SGTB: variants seen among roughly 807,000 people sequenced by gnomAD.
The protein encoded by SGTB is small glutamine-rich tetratricopeptide repeat-containing protein beta.
In SGTB, 19 loss-of-function variants were observed where a neutral mutation model predicts 43.9. The observed-to-expected ratio is 0.43, with a 90% CI of 0.30 to 0.63. The LOEUF is 0.63. Ranked by LOEUF, SGTB falls within the 30% of genes least tolerant of loss-of-function variation. The pLI, the probability that SGTB is intolerant of heterozygous loss-of-function variation, is 0.12. For missense variants in SGTB, 304 were observed against 358.9 expected (o/e 0.85, Z 1.24); for synonymous variants, 116 against 117.3 (o/e 0.99, Z 0.07).
chr5:65,674,495 G>A (rs970870621), intron 8 of SGTB, among the ~76,000 whole-genome samples: 2 of 152,178 alleles, frequency 1.3e-5, no homozygotes, highest in African/African-American at 4.8e-5. Flanking sequence ...TGAACTATCA[G>A]GTAGAAAGTC....
At chr5:65,722,146 GGCTGGGGCGGGGCCAGACACGCGA>G (rs1158242071), upstream of SGTB, 17 of 212,470 alleles carry the variant, frequency 8.0e-5, no homozygotes, top group East Asian at 1.4e-3. Flanking sequence ...CGGACGCGAG[GGCTGGGGCGGGGCCAGACACGCGA>G]GCTGGGGCGG....
intron 3 of SGTB, among the ~76,000 whole-genome samples, chr5:65,709,585 G>A (rs1397167457): frequency 2.0e-5 from 3 of 152,012 alleles, no homozygotes; most frequent in Admixed American, 6.6e-5. Flanking sequence ...TACCATGTTG[G>A]CCACAATGGT....
In SGTB at chr5:65,720,725, T is replaced by G; in HGVS notation, c.83A>C (p.Glu28Ala). ...ATGCATACCTTCCAAACTTTCTTGT[T>G]CATCCGAGGTGTAAGTGTCCATCTG... ...QSQMDTYTSD[E>A]QESLEVAIQC... Residue 28 changes from glutamate to alanine, a missense_variant, in exon 2 of 11, where the codon GAA becomes GCA. Transcript: ENST00000381007. 2 of 1,613,632 alleles carry G rather than the reference T, an allele frequency of 1.2e-6. No individual in the cohort carries two copies. Among genetic ancestry groups the G allele is most frequent in the Non-Finnish European group, 1.7e-6 (2 of 1,179,880 alleles).
intron 5 of SGTB, among the ~76,000 whole-genome samples, chr5:65,692,682 A>G (rs1757635430): frequency 6.6e-6 from 1 of 152,206 alleles, no homozygotes; most frequent in South Asian, 2.1e-4. Flanking sequence ...AATGCAAGAA[A>G]TGTGGTTGGA....
At position 65,667,465 on chromosome 5, in the gene SGTB, T is replaced by C. The variant is rs1259641402; in HGVS notation, c.*2781A>G. 3 of 152,212 alleles carry C rather than the reference T, an allele frequency of 2.0e-5. No individual in the cohort carries two copies. Among genetic ancestry groups the C allele is most frequent in the East Asian group, 3.8e-4 (2 of 5,206 alleles). The allele number at this position is 152,212 out of a possible 1,614,324, so 9.4% of individuals were successfully genotyped here. A position where few individuals can be genotyped will look rare whatever the true frequency, so the allele number is the denominator to read the frequency against. ...CACAGTAATGACTTCTATGTGTTAG[T>C]AGTAGTACTTCGTTCTGTGTAATAC... On this transcript the variant is annotated 3_prime_UTR_variant, in exon 11 of 11. Transcript: ENST00000381007.
intron 6 of SGTB, among the ~76,000 whole-genome samples, chr5:65,685,113 CCTAA>C (rs1180419727): frequency 6.6e-6 from 1 of 152,094 alleles, no homozygotes; most frequent in Non-Finnish European, 1.5e-5. Context: ...GAACTGTCTG[CCTAA>C]CTGTCTGCAA....
chr5:65,670,598 G>C (rs1381178839), intron 10 of SGTB, among the ~76,000 whole-genome samples: 1 of 152,128 alleles, frequency 6.6e-6, no homozygotes, highest in Non-Finnish European at 1.5e-5. Flanking sequence ...CCTCAACTGG[G>C]TGAAATCTAC....
At chr5:65,674,148 T>G (rs772795249) in intron 8 of SGTB, among the ~76,000 whole-genome samples, 6 of 152,224 alleles carry the variant, frequency 3.9e-5, no homozygotes, top group Admixed American at 6.5e-5. Flanking sequence ...ATTCAAAAAC[T>G]ACTGTGGTTC....
intron 5 of SGTB, among the ~76,000 whole-genome samples, chr5:65,702,255 T>C (rs1414469981): frequency 6.6e-6 from 1 of 150,380 alleles, no homozygotes; most frequent in Non-Finnish European, 1.5e-5. Flanking sequence ...ATACCGAAGG[T>C]CCCCTGGCAA....
intron 5 of SGTB, among the ~76,000 whole-genome samples, chr5:65,700,413 A>G (rs1216140714): frequency 2.0e-5 from 3 of 152,184 alleles, no homozygotes; most frequent in Non-Finnish European, 4.4e-5. Context: ...TCATGCCTGT[A>G]ATCCCAGCAC....
intron 5 of SGTB, among the ~76,000 whole-genome samples, chr5:65,691,855 C>T (rs186801498): frequency 2.0e-5 from 3 of 150,628 alleles, no homozygotes; most frequent in Admixed American, 2.0e-4. Context: ...GGCGTGAACC[C>T]GGGAGGCGGA....
At chr5:65,683,936 ACT>A (rs1275856532) in intron 6 of SGTB, among the ~76,000 whole-genome samples, 1 of 149,484 alleles carries the variant, frequency 6.7e-6, no homozygotes, top group East Asian at 2.0e-4. Context: ...ACAGAGCGAG[ACT>A]CTGTCTCAAA....
At chr5:65,722,469 G>A (rs1347787481), upstream of SGTB, 15 of 1,483,642 alleles carry the variant, frequency 1.0e-5, no homozygotes, top group Non-Finnish European at 1.2e-5. Context: ...GTCTTTCGCC[G>A]TGTGGTGCCT....
intron 8 of SGTB, 130 bp downstream of exon 8, chr5:65,680,364 G>T: frequency 2.3e-6 from 2 of 859,392 alleles, no homozygotes; most frequent in Non-Finnish European, 3.6e-6. Context: ...ACAGAACCCT[G>T]CTATAGCCTT....
intron 5 of SGTB, among the ~76,000 whole-genome samples, chr5:65,700,415 T>C (rs1423066244): frequency 6.6e-6 from 1 of 152,090 alleles, no homozygotes; most frequent in African/African-American, 2.4e-5. Context: ...ATGCCTGTAA[T>C]CCCAGCACTT....
At chr5:65,710,256 A>G (rs976238447) in intron 3 of SGTB, among the ~76,000 whole-genome samples, 3 of 152,190 alleles carry the variant, frequency 2.0e-5, no homozygotes. Flanking sequence ...TAAATTTTCC[A>G]ATAAGCCTAG....
intron 5 of SGTB, among the ~76,000 whole-genome samples, chr5:65,703,991 T>A (rs1757872115): frequency 1.4e-5 from 2 of 146,328 alleles, no homozygotes; most frequent in Admixed American, 1.4e-4. Flanking sequence ...TGAGCCGAGA[T>A]CATGCCACTG....
intron 5 of SGTB, among the ~76,000 whole-genome samples, chr5:65,692,088 G>A (rs903219412): frequency 4.6e-5 from 7 of 151,988 alleles, no homozygotes; most frequent in African/African-American, 1.5e-4. Context: ...AAAAATTAAC[G>A]AGTCCAGCTT....
At chr5:65,673,767 T>C (rs1757208403) in intron 8 of SGTB, among the ~76,000 whole-genome samples, 1 of 152,088 alleles carries the variant, frequency 6.6e-6, no homozygotes, top group African/African-American at 2.4e-5. Flanking sequence ...GTGATTCTCC[T>C]GCCTCAGCCA....
Sources: allele counts gnomAD v4.1 joint callset (sites outside exome capture counted in the v4.1 genomes callset), GRCh38; gene constraint gnomAD v4.1.1; transcripts MANE v1.5; gene names NCBI Gene and HGNC (gene_info 2026-07-23, HGNC 2026-07-21).